Variants in PCDH15 observed in about 807,000 individuals in gnomAD.
PCDH15 encodes protocadherin related 15.
A neutral mutation model predicts 178.5 loss-of-function variants in PCDH15; 129 were observed. The observed-to-expected ratio is 0.72, with a 90% confidence interval of 0.63 to 0.84. The LOEUF is 0.84. PCDH15 is among the 40% of genes least tolerant of loss of function. The pLI, the probability that PCDH15 is intolerant of heterozygous loss-of-function variation, is 0.00. For synonymous variants in PCDH15, 800 were observed against 732.0 expected (o/e 1.09, Z -1.50); for missense variants, 2,230 against 2,099.9 (o/e 1.06, Z -1.21).
At chr10:54,732,434 C>T (rs1943541853) in intron 1 of PCDH15, among the ~76,000 whole-genome samples, 1 of 151,454 alleles carries the variant, frequency 6.6e-6, no homozygotes, top group East Asian at 1.9e-4. Flanking sequence ...TGCAAATTCA[C>T]CAACAAATAT....
chr10:54,464,052 G>C (rs2077364865), intron 3 of PCDH15, among the ~76,000 whole-genome samples: 1 of 152,092 alleles, frequency 6.6e-6, no homozygotes, highest in Non-Finnish European at 1.5e-5. Flanking sequence ...GTTTAGGAAG[G>C]AAAACCTTTA....
chr10:54,759,232 A>T (rs769039683), intron 1 of PCDH15, among the ~76,000 whole-genome samples: 2 of 152,216 alleles, frequency 1.3e-5, no homozygotes, highest in Non-Finnish European at 2.9e-5. Flanking sequence ...TTATTTTTAG[A>T]AGTGTTCAAT....
At chr10:53,829,661 T>A (rs538349268) in intron 30 of PCDH15, among the ~76,000 whole-genome samples, 1 of 152,194 alleles carries the variant, frequency 6.6e-6, no homozygotes, top group African/African-American at 2.4e-5. Flanking sequence ...ACCTTAATGC[T>A]GTATTTGCAA....
At chr10:53,882,715 T>A (rs141895611) in intron 26 of PCDH15, among the ~76,000 whole-genome samples, 1 of 152,216 alleles carries the variant, frequency 6.6e-6, no homozygotes, top group East Asian at 1.9e-4. Context: ...ACTGATGGAA[T>A]TGTAATACAC....
chr10:54,835,127 C>T (rs1361674730), intron 3 of PCDH15, among the ~76,000 whole-genome samples: 1 of 152,100 alleles, frequency 6.6e-6, no homozygotes, highest in Non-Finnish European at 1.5e-5. Flanking sequence ...TTTGGTCACC[C>T]ACTCAATAAT....
At chr10:55,406,025 A>G (rs1347852498) in intron 2 of PCDH15, among the ~76,000 whole-genome samples, 3 of 151,106 alleles carry the variant, frequency 2.0e-5, no homozygotes, top group Admixed American at 6.7e-5. Context: ...GTGATGATAG[A>G]TTTTTAGTCA....
At chr10:54,056,884 T>C (rs1002711288) in intron 18 of PCDH15, among the ~76,000 whole-genome samples, 1 of 152,144 alleles carries the variant, frequency 6.6e-6, no homozygotes, top group Non-Finnish European at 1.5e-5. Context: ...TGGGTAAATA[T>C]ACCCATTCCA....
chr10:54,265,142 A>AC (rs371421500), intron 8 of PCDH15, among the ~76,000 whole-genome samples: 3 of 152,172 alleles, frequency 2.0e-5, no homozygotes, highest in Non-Finnish European at 4.4e-5. Context: ...CCAGAAAAAA[A>AC]CATTCATATT....
chr10:54,180,692 T>G (rs1050210002), intron 13 of PCDH15, among the ~76,000 whole-genome samples: 2 of 152,194 alleles, frequency 1.3e-5, no homozygotes, highest in Admixed American at 6.5e-5. Context: ...ATTCTCTCAA[T>G]GAGAACTAGT....
intron 21 of PCDH15, among the ~76,000 whole-genome samples, chr10:53,981,305 A>G (rs1364332789): frequency 6.6e-6 from 1 of 152,174 alleles, no homozygotes; most frequent in African/African-American, 2.4e-5. Context: ...CTTAGTTATC[A>G]TGAGAATATA....
intron 1 of PCDH15, among the ~76,000 whole-genome samples, chr10:54,690,580 T>C (rs2095102868): frequency 6.6e-6 from 1 of 152,254 alleles, no homozygotes; most frequent in South Asian, 2.1e-4. Context: ...CCCAAAGTGC[T>C]GGGATTACAG....
intron 2 of PCDH15, among the ~76,000 whole-genome samples, chr10:55,535,854 G>A (rs554542412): frequency 6.6e-6 from 1 of 151,988 alleles, no homozygotes; most frequent in African/African-American, 2.4e-5. Flanking sequence ...AATGTTAACT[G>A]TCATCTTTGA....
intron 2 of PCDH15, among the ~76,000 whole-genome samples, chr10:55,502,048 T>G (rs574827754): frequency 6.6e-6 from 1 of 151,784 alleles, no homozygotes; most frequent in East Asian, 2.0e-4. Context: ...AGACCAAAAC[T>G]TTTGCAATAA....
chr10:54,124,467 TA>T (rs151024800), intron 15 of PCDH15, among the ~76,000 whole-genome samples: 4,467 of 152,190 alleles, frequency 0.029, 239 homozygotes, highest in African/African-American at 0.1. Context: ...GTTATAATGG[TA>T]AGTATCGTGT....
intron 15 of PCDH15, among the ~76,000 whole-genome samples, chr10:54,122,887 A>G (rs1006511604): frequency 7.9e-5 from 12 of 151,560 alleles, no homozygotes; most frequent in Non-Finnish European, 1.3e-4. Flanking sequence ...AAAAAAAAAA[A>G]AGGGAACCCT....
chr10:55,158,588 A>C (rs1264086346), intron 2 of PCDH15, among the ~76,000 whole-genome samples: 2 of 95,366 alleles, frequency 2.1e-5, no homozygotes, highest in Non-Finnish European at 4.9e-5. Context: ...TATAACTGAC[A>C]GGCTTTCAGA....
chr10:54,056,004 A>G (rs2093878377), intron 18 of PCDH15, among the ~76,000 whole-genome samples: 1 of 152,224 alleles, frequency 6.6e-6, no homozygotes, highest in East Asian at 1.9e-4. Flanking sequence ...CATCTGTCTG[A>G]CTGTTACACA....
chr10:55,389,174 A>T (rs930925696), intron 2 of PCDH15, among the ~76,000 whole-genome samples: 4 of 152,058 alleles, frequency 2.6e-5, no homozygotes, highest in African/African-American at 4.8e-5. Flanking sequence ...GGGAGAGTTT[A>T]AAAAAAGTGA....
intron 14 of PCDH15, among the ~76,000 whole-genome samples, chr10:54,149,308 G>A (rs1451714886): frequency 1.3e-5 from 2 of 152,044 alleles, no homozygotes; most frequent in Non-Finnish European, 1.5e-5. Flanking sequence ...TGATGGTACT[G>A]TAGTTATCTT....
Sources: gnomAD v4.1 joint callset for allele counts (sites outside exome capture counted in the v4.1 genomes callset) on GRCh38, gnomAD v4.1.1 for gene constraint, MANE v1.5 for transcripts, NCBI Gene and HGNC (gene_info 2026-07-23, HGNC 2026-07-21) for gene names.